The following CCDC61 variants were observed in gnomAD, a reference collection of about 807,000 sequenced individuals.
The protein encoded by CCDC61 is coiled-coil domain containing 61.
A neutral mutation model predicts 63.0 loss-of-function variants in CCDC61; 55 were observed. The ratio of observed to expected loss-of-function variants is 0.87; its 90% CI spans 0.70 to 1.09. CCDC61 has a LOEUF of 1.09. Among genes scored for constraint, CCDC61 ranks in the 50% least tolerant of loss-of-function variants. CCDC61 has a pLI of 0.00. For missense variants in CCDC61, 651 were observed against 731.4 expected, an observed-to-expected ratio of 0.89 and a Z score of 1.27; for synonymous variants, 270 against 317.0, an observed-to-expected ratio of 0.85 and a Z score of 1.58.
rs1389228533 is a variant in CCDC61, at chr19:46,003,104, T to C, written c.86T>C (p.Leu29Pro). 6.2e-7 allele frequency: 1 copy of C among 1,613,008 alleles called. No homozygotes were observed. Among genetic ancestry groups the C allele is most frequent in the Non-Finnish European group, 8.5e-7 (1 of 1,179,566 alleles). ...AVRVMVSGQV[L>P]ELEVEDRMTA... ...CGGGTGATGGTTTCTGGGCAGGTGCTGGAGCTGGAGGTGGAGGACCGGATG... is the reference window on the plus strand; with the variant it reads ...CGGGTGATGGTTTCTGGGCAGGTGCCGGAGCTGGAGGTGGAGGACCGGATG... Residue 29 changes from leucine to proline, a missense_variant, in exon 2 of 14, where the codon CTG (leucine) becomes CCG (proline). Leu to Pro is a moderately conservative substitution (Grantham distance 98, BLOSUM62 -3). Transcript: ENST00000595358.
chr19:46,008,118 G>A (rs773296627), intron 4 of CCDC61, 22 bp from the exon 5 acceptor site: 16 of 1,583,284 alleles, frequency 1.0e-5, no homozygotes, highest in Middle Eastern at 1.7e-4. Context: ...GAGATGCCAC[G>A]GTTTTAATCC....
intron 1 of CCDC61, chr19:46,000,064 G>GGACAGGGTCAGCGGCGGGAGGGGA: frequency 3.0e-6 from 3 of 985,266 alleles, no homozygotes; most frequent in Non-Finnish European, 3.6e-6. Context: ...GCAGGTAGAG[G>GGACAGGGTCAGCGGCGGGAGGGGA]GACAGGGTCA....
At chr19:46,008,564 A>G (rs1166465153) in intron 5 of CCDC61, among the ~76,000 whole-genome samples, 1 of 152,054 alleles carries the variant, frequency 6.6e-6, no homozygotes, top group Non-Finnish European at 1.5e-5. Context: ...ACGCGCCACC[A>G]TGTCCGGCTA....
chr19:45,998,312 G>A (rs779245495), intron 1 of CCDC61, among the ~76,000 whole-genome samples: 2 of 152,224 alleles, frequency 1.3e-5, no homozygotes, highest in Non-Finnish European at 2.9e-5. Context: ...CACCCCCAGA[G>A]TTTCTGCTTG....
In CCDC61 at chr19:46,016,113, G is replaced by T; in HGVS notation, c.905G>T (p.Arg302Leu). The change falls in exon 8 of 14, where the codon CGG becomes CTG. Residue 302 changes from arginine to leucine, a missense_variant. Physicochemically the swap from Arg to Leu is moderately radical, Grantham distance 102 (BLOSUM62 -2). Transcript: ENST00000595358. The surrounding 1 kb of genome is among the most constrained non-coding windows in gnomAD (Gnocchi z 7.2). ...CGGGAGGACCGGGCCTCATCGTCCCGGGAGCGCTCCGCGTCGCGAGGCCGC... is the reference window on the plus strand; with the variant it reads ...CGGGAGGACCGGGCCTCATCGTCCCTGGAGCGCTCCGCGTCGCGAGGCCGC... ...PTREDRASSSRERSASRGRGA... is the reference protein window; with the variant it reads ...PTREDRASSSLERSASRGRGA... 8.1e-7 allele frequency: 1 copy of T among 1,227,972 alleles called. No homozygotes were observed. The highest frequency in any genetic ancestry group is 3.9e-5 in the South Asian group (1 of 25,928). The allele number at this position is 1,227,972 out of a possible 1,614,324, so 76.1% of individuals were successfully genotyped here.
chr19:46,013,549 C>G (rs1968867921), intron 5 of CCDC61, among the ~76,000 whole-genome samples: 1 of 152,058 alleles, frequency 6.6e-6, no homozygotes, highest in South Asian at 2.1e-4. Context: ...AGTGTAATTA[C>G]TAATAATTGA....
rs574298344 is a variant in CCDC61, at chr19:46,003,534, G to C, written c.231+33G>C. The C allele has an allele frequency of 4.3e-6, 6 of 1,386,398 alleles. No homozygotes were observed. In the Admixed American group the frequency reaches 7.0e-5, roughly 16 times the overall value. 85.9% of individuals were successfully genotyped at this position (1,386,398 alleles called of 1,614,324 possible). A position where few individuals can be genotyped will look rare whatever the true frequency, so the allele number is the denominator to read the frequency against. On this transcript the variant is annotated intron_variant, in intron 3 of 13. Coordinates refer to ENST00000595358, the MANE Select transcript of CCDC61 (RefSeq NM_001267723.2). ...CCGGGTTGGCGGGTTGGGGTGGGAG[G>C]GGGGTTCTGTCTTCCAGGTTCCAGG...
In CCDC61 at chr19:46,006,642, C is replaced by T. The variant is rs374230954; in HGVS notation, c.315C>T (p.Gly105=). ...ACCGCAAGATGGGGGGCCGCCCAGG[C>T]TCCTTGGCCCCCAGGTCGGCCCAGC... The part of the protein sequence containing the change: ...LRNRKMGGRP[G]SLAPRSAQLN... Residue 105 remains glycine (G), a synonymous_variant, in exon 4 of 14, where the codon GGC becomes GGT. Coordinates refer to ENST00000595358, the MANE Select transcript of CCDC61 (RefSeq NM_001267723.2). 4 of 1,613,750 alleles carry T rather than the reference C, an allele frequency of 2.5e-6. No individual in the cohort carries two copies. Among genetic ancestry groups the T allele is most frequent in the African/African-American group, 1.3e-5 (1 of 74,950 alleles).
At chr19:46,005,710 G>A (rs1376420281) in intron 3 of CCDC61, among the ~76,000 whole-genome samples, 1 of 152,020 alleles carries the variant, frequency 6.6e-6, no homozygotes, top group South Asian at 2.1e-4. Context: ...TTCTTGAAGT[G>A]ACAGGCTCAC....
chr19:46,002,475 C>CT (rs1295920067), intron 1 of CCDC61, among the ~76,000 whole-genome samples: 1 of 147,132 alleles, frequency 6.8e-6, no homozygotes, highest in Admixed American at 6.8e-5. Flanking sequence ...GGGTCTCACT[C>CT]TGTCACCCAG....
At chr19:46,009,569 C>T (rs1185119268) in intron 5 of CCDC61, among the ~76,000 whole-genome samples, 1 of 152,168 alleles carries the variant, frequency 6.6e-6, no homozygotes, top group African/African-American at 2.4e-5. Context: ...TAGGCTGGAC[C>T]TTAGATCCAG....
chr19:46,012,682 C>T (rs184992895), intron 5 of CCDC61, among the ~76,000 whole-genome samples: 63 of 151,492 alleles, frequency 4.2e-4, no homozygotes, highest in South Asian at 2.1e-4. Context: ...CAAAAGTAGT[C>T]ATTTCCCCAT....
chr19:46,008,331 C>CGGGGGGGGGG, intron 5 of CCDC61, 30 bp downstream of exon 5: 2 of 494,214 alleles, frequency 4.0e-6, no homozygotes, highest in Non-Finnish European at 7.7e-6. Flanking sequence ...GCAGCTGGGG[C>CGGGGGGGGGG]GGGTGGGGGC....
rs1969002100 is a variant in CCDC61, at chr19:46,018,600, CAT to C, written c.*216_*217del. The C allele has an allele frequency of 1.9e-6, 1 of 523,824 alleles. No homozygotes were observed. Among genetic ancestry groups the C allele is most frequent in the Admixed American group, 3.3e-5 (1 of 29,970 alleles). The allele number at this position is 523,824 out of a possible 1,614,324, so 32.4% of individuals were successfully genotyped here. A position where few individuals can be genotyped will look rare whatever the true frequency, so the allele number is the denominator to read the frequency against. On this transcript the variant is annotated 3_prime_UTR_variant, in exon 14 of 14. Transcript: ENST00000595358. The surrounding 1 kb of genome is among the most constrained non-coding windows in gnomAD (Gnocchi z 4.2). ...AGGATGTGTGCATTTTGTAAATAAA[CAT>C]ATTTGCCCTGGGGACCCCTCAGCTT...
intron 1 of CCDC61, among the ~76,000 whole-genome samples, chr19:46,001,071 C>T (rs995837966): frequency 5.9e-5 from 8 of 134,458 alleles, no homozygotes; most frequent in African/African-American, 2.3e-4. Context: ...ACGGTGTCGC[C>T]GCTGATAGGT....
At chr19:46,000,116 A>G in intron 1 of CCDC61, 1 of 957,392 alleles carries the variant, frequency 1.0e-6, no homozygotes, top group Non-Finnish European at 1.2e-6. Context: ...GGGGAATCCT[A>G]GAAGTGGCGG....
intron 1 of CCDC61, among the ~76,000 whole-genome samples, chr19:46,002,678 A>G (rs1400907406): frequency 2.6e-5 from 4 of 152,096 alleles, no homozygotes; most frequent in Non-Finnish European, 4.4e-5. Context: ...CAGCCTCCCA[A>G]AGTGCTGGGA....
chr19:45,998,530 A>G (rs1968534480), intron 1 of CCDC61, among the ~76,000 whole-genome samples: 1 of 152,092 alleles, frequency 6.6e-6, no homozygotes, highest in Non-Finnish European at 1.5e-5. Flanking sequence ...GACCTGGAGG[A>G]TGACAGGGAA....
At chr19:45,997,330 T>C (rs1232868829) in intron 1 of CCDC61, among the ~76,000 whole-genome samples, 1 of 152,194 alleles carries the variant, frequency 6.6e-6, no homozygotes, top group East Asian at 1.9e-4. Context: ...ATAACTCCTG[T>C]CACTGTATGG....
Sources: allele counts gnomAD v4.1 joint callset (sites outside exome capture counted in the v4.1 genomes callset), GRCh38; gene constraint gnomAD v4.1.1; non-coding constraint Gnocchi (gnomAD v3.1); transcripts MANE v1.5; gene names NCBI Gene and HGNC (gene_info 2026-07-23, HGNC 2026-07-21).